The following SAMD7 variants were observed in gnomAD, a reference collection of about 807,000 sequenced individuals.
The protein encoded by SAMD7 is sterile alpha motif domain-containing protein 7.
A neutral mutation model predicts 36.7 loss-of-function variants in SAMD7; 34 were observed. The ratio of observed to expected loss-of-function variants is 0.93; its 90% CI spans 0.71 to 1.23. The LOEUF is 1.23. SAMD7 is among the 50% of genes most tolerant of loss of function. The pLI, the probability that SAMD7 is intolerant of heterozygous loss-of-function variation, is 0.00. For synonymous variants in SAMD7, 188 were observed against 189.7 expected, an observed-to-expected ratio of 0.99 and a Z score of 0.07; for missense variants, 570 against 546.6, an observed-to-expected ratio of 1.04 and a Z score of -0.43.
chr3:169,912,222 C>G (rs943514090), intron 1 of SAMD7, among the ~76,000 whole-genome samples: 1 of 151,988 alleles, frequency 6.6e-6, no homozygotes, highest in East Asian at 1.9e-4. Context: ...ATTTTAATGG[C>G]CCCCCATTAC....
At chr3:169,924,071 A>G (rs1713158889) in intron 4 of SAMD7, among the ~76,000 whole-genome samples, 1 of 152,130 alleles carries the variant, frequency 6.6e-6, no homozygotes, top group Non-Finnish European at 1.5e-5. Context: ...TGGTAGCTTC[A>G]TGCATGCCAG....
intron 7 of SAMD7, 47 bp from the exon 8 acceptor site, chr3:169,936,292 C>CA (rs1229615099): frequency 5.6e-6 from 7 of 1,252,188 alleles, no homozygotes; most frequent in African/African-American, 3.0e-5. Context: ...AGAACTTTTT[C>CA]AAAAAAAGAC....
intron 3 of SAMD7, among the ~76,000 whole-genome samples, chr3:169,920,726 G>C (rs1399002917): frequency 6.6e-6 from 1 of 152,114 alleles, no homozygotes; most frequent in Non-Finnish European, 1.5e-5. Context: ...AGGAGAGAAA[G>C]CAGAACTCAT....
At chr3:169,919,702 T>C in intron 3 of SAMD7, 118 bp downstream of exon 3, 1 of 861,640 alleles carries the variant, frequency 1.2e-6, no homozygotes, top group Non-Finnish European at 1.9e-6. Flanking sequence ...TGAACTGTGG[T>C]GCAGTAATTC....
At chr3:169,917,515 C>A (rs1242482145) in intron 2 of SAMD7, among the ~76,000 whole-genome samples, 4 of 152,034 alleles carry the variant, frequency 2.6e-5, no homozygotes, top group African/African-American at 9.7e-5. Context: ...GAATACAGTG[C>A]ATAATAATCA....
rs147600861 is a variant in SAMD7, at chr3:169,932,517, A to G, written c.1042-3822A>G. The G allele has an allele frequency of 3.9e-5, 22 of 561,172 alleles. No individual in the cohort carries two copies. In the East Asian group the frequency reaches 8.8e-4, roughly 22 times the overall value. The allele number at this position is 561,172 out of a possible 1,614,324, so 34.8% of individuals were successfully genotyped here. ...CTGCTGATGGTGGGCAGATCCGTTC[A>G]TCTTCAGACAGAGATCAAGCCTGTT... On this transcript the variant is annotated intron_variant, in intron 7 of 8. Transcript: ENST00000335556.
At chr3:169,928,152 C>T (rs1052819880) in intron 6 of SAMD7, among the ~76,000 whole-genome samples, 2 of 152,104 alleles carry the variant, frequency 1.3e-5, no homozygotes, top group African/African-American at 2.4e-5. Flanking sequence ...TCACCTATCA[C>T]GAAAACATAG....
At chr3:169,930,667 C>T (rs1007191613) in intron 7 of SAMD7, among the ~76,000 whole-genome samples, 12 of 150,890 alleles carry the variant, frequency 8.0e-5, no homozygotes, top group African/African-American at 2.4e-5. Context: ...CCACAACCTC[C>T]GCCTCCTGGG....
chr3:169,935,043 C>A (rs144813026), intron 7 of SAMD7, among the ~76,000 whole-genome samples: 6 of 152,216 alleles, frequency 3.9e-5, no homozygotes, highest in East Asian at 3.9e-4. Context: ...CAGAGGCACC[C>A]GGAAGCCTGA....
chr3:169,934,504 A>G (rs1699272511), intron 7 of SAMD7, among the ~76,000 whole-genome samples: 1 of 152,198 alleles, frequency 6.6e-6, no homozygotes, highest in Non-Finnish European at 1.5e-5. Context: ...ATGTCACTGA[A>G]AGAGGCACTG....
intron 4 of SAMD7, among the ~76,000 whole-genome samples, chr3:169,921,885 G>C (rs193049428): frequency 2.6e-4 from 40 of 152,298 alleles, no homozygotes; most frequent in Admixed American, 2.4e-3. Context: ...TGACAGCTTG[G>C]TCATGGATGG....
At chr3:169,932,024 GT>G in intron 7 of SAMD7, 1 of 712,766 alleles carries the variant, frequency 1.4e-6, no homozygotes, top group South Asian at 2.5e-5. Context: ...GAGTCATGCT[GT>G]TAGCAATTCC....
chr3:169,926,363 G>C, intron 5 of SAMD7, 190 bp from the exon 6 acceptor site: 1 of 1,231,610 alleles, frequency 8.1e-7, no homozygotes, highest in Non-Finnish European at 1.1e-6. Flanking sequence ...CTTCCATTGT[G>C]AGACTCAGAC....
chr3:169,912,526 A>G (rs534058480), intron 1 of SAMD7, among the ~76,000 whole-genome samples: 1 of 152,362 alleles, frequency 6.6e-6, no homozygotes, highest in East Asian at 1.9e-4. Flanking sequence ...AGTTGCACAT[A>G]AATTATATTG....
chr3:169,938,322 C>G lies in SAMD7; in HGVS notation c.1157C>G (p.Ser386Cys), dbSNP rs1055914577. The stretch of plus-strand genomic sequence containing the variant: ...ATAATTATTTTGTCTTAAAAGGTAT[C>G]TCAGCATGTGGGAAGTATGTTCTAC... ...GPALKIQSQV[S>C]QHVGSMFYKK... Residue 386 changes from serine (S) to cysteine (C), a missense_variant, in exon 9 of 9, where the codon TCT becomes TGT. Coordinates refer to ENST00000335556, the MANE Select transcript of SAMD7 (RefSeq NM_001304366.2). 3.8e-6 allele frequency: 6 copies of G among 1,596,902 alleles called. No individual in the cohort carries two copies. Among genetic ancestry groups the G allele is most frequent in the East Asian group, 4.5e-5 (2 of 44,810 alleles).
chr3:169,927,077 C>A lies in SAMD7; in HGVS notation c.815C>A (p.Ala272Glu). The A allele has an allele frequency of 6.2e-7, 1 of 1,610,256 alleles. No homozygotes were observed. Among genetic ancestry groups the A allele is most frequent in the South Asian group, 1.1e-5 (1 of 90,802 alleles). Residue 272 changes from alanine (A) to glutamate (E), a missense_variant, in exon 6 of 9, where the codon GCA becomes GAA. Physicochemically the swap from Ala to Glu is moderately radical, Grantham distance 107. Coordinates refer to ENST00000335556, the MANE Select transcript of SAMD7 (RefSeq NM_001304366.2). The part of the protein sequence containing the change: ...PWGSHTTTLK[A>E]KAWDDGKEEA... ...GGGTCTCACACCACTACCCTGAAAG[C>A]AAAGGCCTGGGACGATGGGAAAGAG...
intron 7 of SAMD7, among the ~76,000 whole-genome samples, chr3:169,934,615 T>G (rs761823650): frequency 1.3e-5 from 2 of 152,010 alleles, no homozygotes; most frequent in Non-Finnish European, 2.9e-5. Flanking sequence ...CTTTTGTGGG[T>G]GGGGGACACG....
At chr3:169,922,599 A>G (rs1417754197) in intron 4 of SAMD7, among the ~76,000 whole-genome samples, 1 of 152,194 alleles carries the variant, frequency 6.6e-6, no homozygotes, top group African/African-American at 2.4e-5. Flanking sequence ...TCCCTGGTTC[A>G]AGCGATTCTC....
intron 1 of SAMD7, among the ~76,000 whole-genome samples, chr3:169,912,841 T>C (rs1712657522): frequency 6.6e-6 from 1 of 152,204 alleles, no homozygotes; most frequent in African/African-American, 2.4e-5. Flanking sequence ...CGGTATGAAC[T>C]GTCTTTCTAA....
Sources: allele counts gnomAD v4.1 joint callset (sites outside exome capture counted in the v4.1 genomes callset), GRCh38; gene constraint gnomAD v4.1.1; transcripts MANE v1.5; gene names NCBI Gene and HGNC (gene_info 2026-07-23, HGNC 2026-07-21).